The following UTRN variants were observed in gnomAD, a reference collection of about 807,000 sequenced individuals.
UTRN encodes dystrophin-related protein 1.
A neutral mutation model predicts 463.9 loss-of-function variants in UTRN; 283 were observed. That is an observed-to-expected ratio of 0.61 (90% CI 0.55 to 0.67). UTRN has a LOEUF of 0.67. Ranked by LOEUF, UTRN falls within the 30% of genes least tolerant of loss-of-function variation. The pLI, the probability that UTRN is intolerant of heterozygous loss-of-function variation, is 0.00. For missense variants in UTRN, 3,922 were observed against 4,084.3 expected (o/e 0.96, Z 1.08); for synonymous variants, 1,442 against 1,431.5 (o/e 1.01, Z -0.17).
At chr6:144,781,869 G>A in intron 60 of UTRN, 53 bp from the exon 61 acceptor site, 3 of 1,297,914 alleles carry the variant, frequency 2.3e-6, no homozygotes, top group Non-Finnish European at 3.3e-6. Context: ...ATGTTGTTAT[G>A]TAATGTAATG....
At chr6:144,485,126 G>A (rs984941573) in intron 27 of UTRN, among the ~76,000 whole-genome samples, 9 of 151,832 alleles carry the variant, frequency 5.9e-5, no homozygotes, top group East Asian at 3.9e-4. Context: ...GGGTTTCACC[G>A]TGTTAGCCAG....
At chr6:144,737,283 C>T (rs574205163) in intron 54 of UTRN, among the ~76,000 whole-genome samples, 8 of 152,124 alleles carry the variant, frequency 5.3e-5, no homozygotes, top group South Asian at 2.1e-4. Context: ...ACTTGATGTC[C>T]GGTGAGTGAT....
chr6:144,308,577 G>A (rs966903602), intron 2 of UTRN, among the ~76,000 whole-genome samples: 2 of 152,158 alleles, frequency 1.3e-5, no homozygotes, highest in Non-Finnish European at 2.9e-5. Context: ...ACAGGTGTGA[G>A]CCACCATGCC....
At chr6:144,730,194 A>C (rs1788368822) in intron 53 of UTRN, among the ~76,000 whole-genome samples, 163 bp from the exon 54 acceptor site, 1 of 152,070 alleles carries the variant, frequency 6.6e-6, no homozygotes, top group African/African-American at 2.4e-5. Flanking sequence ...ATTTTTCTTC[A>C]TTCATATCTA....
intron 2 of UTRN, among the ~76,000 whole-genome samples, chr6:144,387,562 G>A (rs547972784): frequency 1.3e-5 from 2 of 152,244 alleles, no homozygotes; most frequent in African/African-American, 4.8e-5. Context: ...CTGGAAGCTG[G>A]GAAGAAAGTG....
At chr6:144,579,871 T>G (rs1160424793) in intron 51 of UTRN, among the ~76,000 whole-genome samples, 8 of 152,188 alleles carry the variant, frequency 5.3e-5, no homozygotes, top group Non-Finnish European at 1.0e-4. Context: ...GTTTAGAATG[T>G]TTCACATTAC....
At chr6:144,619,370 C>T (rs1239357472) in intron 51 of UTRN, among the ~76,000 whole-genome samples, 1 of 152,122 alleles carries the variant, frequency 6.6e-6, no homozygotes, top group Non-Finnish European at 1.5e-5. Context: ...ATGCCATTAT[C>T]CTTTGAGGAC....
intron 51 of UTRN, among the ~76,000 whole-genome samples, chr6:144,646,772 T>C: frequency 6.6e-6 from 1 of 152,214 alleles, no homozygotes; most frequent in Non-Finnish European, 1.5e-5. Context: ...AAGATTACTT[T>C]ATGTAGACAA....
At chr6:144,838,199 C>T (rs887774504) in intron 71 of UTRN, among the ~76,000 whole-genome samples, 2 of 152,204 alleles carry the variant, frequency 1.3e-5, no homozygotes, top group Non-Finnish European at 2.9e-5. Context: ...TCACCCTTGC[C>T]TTCCCCTACT....
Position 144,554,869 on chromosome 6 carries a change from C to T in UTRN, c.7110C>T (p.Leu2370=), listed in dbSNP as rs148965033. ...TTCAGCAAGCCCGACGGGATCCACT[C>T]ACCAAACAAATTTCTGATAACCAAG... ...YILQQARRDP[L]TKQISDNQIL... Residue 2370 remains leucine, a synonymous_variant, in exon 49 of 75, where the codon CTC becomes CTT. Coordinates refer to ENST00000367545, the MANE Select transcript of UTRN (RefSeq NM_007124.3). 3.2e-5 allele frequency: 52 copies of T among 1,613,974 alleles called. No individual in the cohort carries two copies. The African/African-American group carries it at 6.3e-4, about 19-fold the overall frequency.
chr6:144,306,138 G>C (rs1428984500), intron 2 of UTRN, among the ~76,000 whole-genome samples: 1 of 152,084 alleles, frequency 6.6e-6, no homozygotes, highest in Non-Finnish European at 1.5e-5. Flanking sequence ...CCTTTTCTCT[G>C]TGTTTTTGGT....
At chr6:144,357,370 A>T (rs142855472) in intron 2 of UTRN, among the ~76,000 whole-genome samples, 33 of 152,348 alleles carry the variant, frequency 2.2e-4, no homozygotes, top group Non-Finnish European at 2.9e-5. Context: ...TTTTGTTTTC[A>T]GTGACTTCAT....
At chr6:144,800,386 T>C (rs926938550) in intron 64 of UTRN, among the ~76,000 whole-genome samples, 4 of 152,128 alleles carry the variant, frequency 2.6e-5, no homozygotes, top group African/African-American at 9.7e-5. Context: ...CAACCTGAAG[T>C]GTTAAATTTC....
At chr6:144,541,798 G>A (rs935449200) in intron 45 of UTRN, among the ~76,000 whole-genome samples, 8 of 152,202 alleles carry the variant, frequency 5.3e-5, no homozygotes, top group Non-Finnish European at 1.2e-4. Flanking sequence ...AGGGGTAGCT[G>A]TGGAAGGTTT....
chr6:144,438,712 T>C, intron 11 of UTRN, 33 bp from the exon 12 acceptor site: 1 of 1,611,990 alleles, frequency 6.2e-7, no homozygotes, highest in Non-Finnish European at 8.5e-7. Context: ...GGGAAAAGGC[T>C]TGTAGGAATA....
intron 41 of UTRN, among the ~76,000 whole-genome samples, chr6:144,525,183 G>A (rs548164901): frequency 1.3e-5 from 2 of 152,176 alleles, no homozygotes; most frequent in African/African-American, 4.8e-5. Flanking sequence ...TTTGGTATTA[G>A]GGTAATACTG....
chr6:144,848,260 G>T (rs1586818266), intron 74 of UTRN, among the ~76,000 whole-genome samples: 1 of 152,320 alleles, frequency 6.6e-6, no homozygotes, highest in Middle Eastern at 3.4e-3. Context: ...CAGCATTAAA[G>T]GTGCCACTCA....
chr6:144,721,658 C>A (rs1787186871), intron 53 of UTRN, among the ~76,000 whole-genome samples: 1 of 152,120 alleles, frequency 6.6e-6, no homozygotes, highest in Non-Finnish European at 1.5e-5. Context: ...GCTGAGCATC[C>A]TTTGTGTAAA....
rs1358496369 is a variant in UTRN at position 144,703,011 on chromosome 6, G to A, written c.7809+2768G>A. Among the ~76,000 whole-genome samples, 8 of 152,296 alleles carry A rather than the reference G, an allele frequency of 5.3e-5. No homozygotes were observed. The East Asian group carries it at 9.6e-4, about 18-fold the overall frequency. On this transcript the variant is annotated intron_variant, in intron 53 of 74. Transcript: ENST00000367545. The stretch of plus-strand genomic sequence containing the variant: ...TGTAATAATATAGGTAAATTATGAA[G>A]AGTAGAATATAGAGGAGTTCAGCAC...
Sources: gnomAD v4.1 joint callset for allele counts (sites outside exome capture counted in the v4.1 genomes callset) on GRCh38, gnomAD v4.1.1 for gene constraint, MANE v1.5 for transcripts, NCBI Gene and HGNC (gene_info 2026-07-23, HGNC 2026-07-21) for gene names.